NHS: variants seen among roughly 807,000 people sequenced by gnomAD.
NHS encodes actin remodeling regulator NHS.
Under a neutral mutation model 72.5 loss-of-function variants are expected in NHS, and 5 were observed. The observed-to-expected ratio is 0.07, with a 90% CI of 0.04 to 0.14. The LOEUF is 0.14. Among genes scored for constraint, NHS ranks in the 10% least tolerant of loss-of-function variants. NHS has a pLI of 1.00. For missense variants in NHS, 1,072 were observed against 1,355.7 expected (o/e 0.79, Z 3.29); for synonymous variants, 464 against 547.7 (o/e 0.85, Z 2.13).
At chrX:17,490,319 G>C (rs2064985035) in intron 1 of NHS, among the ~76,000 whole-genome samples, 1 of 112,097 alleles carries the variant, frequency 8.9e-6, no homozygotes, top group Non-Finnish European at 1.9e-5. Flanking sequence ...TAAGAAAGGG[G>C]TTCAGTTTCA....
At chrX:17,567,522 TAACA>T (rs753414214) in intron 1 of NHS, among the ~76,000 whole-genome samples, 1 of 111,213 alleles carries the variant, frequency 9.0e-6, no homozygotes, top group Non-Finnish European at 1.9e-5. Context: ...AGGAAAAAAT[TAACA>T]AACAAGCAAA....
intron 1 of NHS, among the ~76,000 whole-genome samples, chrX:17,435,435 C>A (rs1456257649): frequency 1.8e-5 from 2 of 111,743 alleles, no homozygotes; most frequent in Non-Finnish European, 3.8e-5. Flanking sequence ...ACTTCCCAGG[C>A]ACTCTTTCCT....
At chrX:17,440,465 A>C (rs1427136270) in intron 1 of NHS, among the ~76,000 whole-genome samples, 1 of 110,321 alleles carries the variant, frequency 9.1e-6, no homozygotes, top group Non-Finnish European at 1.9e-5. Context: ...GTACCAGTTC[A>C]CAAGTCTGGG....
At chrX:17,516,813 C>A (rs997216324) in intron 1 of NHS, among the ~76,000 whole-genome samples, 1 of 111,641 alleles carries the variant, frequency 9.0e-6, no homozygotes, top group African/African-American at 3.3e-5. Context: ...ACATTTTAAC[C>A]CAGGAATGGG....
intron 1 of NHS, among the ~76,000 whole-genome samples, chrX:17,615,700 T>A (rs2065742036): frequency 9.0e-6 from 1 of 110,503 alleles, no homozygotes; most frequent in Non-Finnish European, 1.9e-5. Flanking sequence ...CTCTCCCTTT[T>A]CCCCCACACC....
chrX:17,698,669 G>GA, intron 3 of NHS, among the ~76,000 whole-genome samples: 1 of 111,568 alleles, frequency 9.0e-6, no homozygotes, highest in East Asian at 2.8e-4. Flanking sequence ...CATGATTATT[G>GA]ATTCAAAAAT....
intron 1 of NHS, among the ~76,000 whole-genome samples, chrX:17,431,277 T>G (rs761769034): frequency 1.4e-4 from 16 of 111,546 alleles, no homozygotes; most frequent in African/African-American, 5.2e-4. Flanking sequence ...GATTTTTTAT[T>G]TTTAACCTCT....
chrX:17,443,398 A>C, intron 1 of NHS, among the ~76,000 whole-genome samples: 1 of 111,737 alleles, frequency 8.9e-6, no homozygotes, highest in Non-Finnish European at 1.9e-5. Flanking sequence ...TGCTTTCCAG[A>C]GCCCTGTCCT....
At chrX:17,578,805 T>C (rs1224442054) in intron 1 of NHS, among the ~76,000 whole-genome samples, 2 of 112,401 alleles carry the variant, frequency 1.8e-5, no homozygotes, top group South Asian at 7.4e-4. Context: ...CAACTGTACC[T>C]GGCATATAGT....
chrX:17,455,665 T>C (rs1428680310), intron 1 of NHS, among the ~76,000 whole-genome samples: 3 of 111,912 alleles, frequency 2.7e-5, no homozygotes, highest in African/African-American at 6.5e-5. Context: ...CACGAGCAAA[T>C]GGATAAAAGA....
At chrX:17,556,311 C>T (rs2065372971) in intron 1 of NHS, among the ~76,000 whole-genome samples, 1 of 112,700 alleles carries the variant, frequency 8.9e-6, no homozygotes, top group African/African-American at 3.2e-5. Flanking sequence ...CTGGCCAAAG[C>T]CAGAAGAAAC....
rs2066518054 is a variant in NHS at position 17,735,464 on chromosome X, T to C, written c.*3000T>C. Reference sequence around the variant, plus strand: ...TCTATGTTGTGTAGGGGAAATTTTTTCATTTTTTAAAAATTCTACTTTGGT... The same window carrying C: ...TCTATGTTGTGTAGGGGAAATTTTTCCATTTTTTAAAAATTCTACTTTGGT... On this transcript the variant is annotated 3_prime_UTR_variant, in exon 9 of 9. Coordinates refer to ENST00000676302, the MANE Select transcript of NHS (RefSeq NM_001291867.2). 1 of 113,121 alleles carries C rather than the reference T, an allele frequency of 8.8e-6. No individual in the cohort carries two copies. 9.3% of individuals were successfully genotyped at this position (113,121 alleles called of 1,213,427 possible). A position where few individuals can be genotyped will look rare whatever the true frequency, so the allele number is the denominator to read the frequency against.
At chrX:17,476,752 T>G (rs2064920727) in intron 1 of NHS, among the ~76,000 whole-genome samples, 1 of 111,955 alleles carries the variant, frequency 8.9e-6, no homozygotes, top group African/African-American at 3.2e-5. Context: ...CAATAATCAT[T>G]GCTTGGAGGC....
At chrX:17,486,322 T>C (rs370272830) in intron 1 of NHS, among the ~76,000 whole-genome samples, 6 of 112,505 alleles carry the variant, frequency 5.3e-5, no homozygotes, top group Admixed American at 2.8e-4. Flanking sequence ...ACAGTAGCTA[T>C]TGGTCACTCA....
intron 1 of NHS, 91 bp downstream of exon 1, chrX:17,376,413 C>A: frequency 1.2e-6 from 1 of 856,404 alleles, no homozygotes; most frequent in Non-Finnish European, 1.7e-6. Flanking sequence ...AGCCCCGCGG[C>A]GCCGCTCCGG....
In NHS at chrX:17,731,982, A is replaced by G. The variant is rs754367608; in HGVS notation, c.4474A>G (p.Thr1492Ala). 1 of 1,209,851 alleles carries G rather than the reference A, an allele frequency of 8.3e-7. No individual in the cohort carries two copies. Among genetic ancestry groups the G allele is most frequent in the Non-Finnish European group, 1.1e-6 (1 of 895,266 alleles). The change falls in exon 9 of 9, where the codon ACA becomes GCA. Residue 1492 changes from threonine to alanine, a missense_variant. Physicochemically the swap from Thr to Ala is moderately conservative, Grantham distance 58. Transcript: ENST00000676302. ...CATCACTTCACCCAGCAGTAATGTG[A>G]CAACCCCCAACAGCCAGAGGTCTCC... Reference protein sequence around the residue: ...SSITSPSSNVTTPNSQRSPGL... With the variant: ...SSITSPSSNVATPNSQRSPGL...
intron 1 of NHS, among the ~76,000 whole-genome samples, chrX:17,401,868 C>T (rs1037138546): frequency 6.3e-5 from 7 of 111,936 alleles, no homozygotes; most frequent in African/African-American, 1.9e-4. Flanking sequence ...GACCCTATTA[C>T]CAAGTGAGGT....
chrX:17,695,942 AGG>A (rs558791023), intron 3 of NHS, among the ~76,000 whole-genome samples: 24 of 93,126 alleles, frequency 2.6e-4, no homozygotes, highest in African/African-American at 5.4e-4. Context: ...AAAAAAAAAA[AGG>A]GGGGGGGTAT....
intron 1 of NHS, among the ~76,000 whole-genome samples, chrX:17,475,381 C>T (rs1032108150): frequency 2.7e-5 from 3 of 112,370 alleles, no homozygotes; most frequent in East Asian, 2.8e-4. Context: ...GAGCAGGCCT[C>T]GGCCTCCAGT....
Sources: allele counts gnomAD v4.1 joint callset (sites outside exome capture counted in the v4.1 genomes callset), GRCh38; gene constraint gnomAD v4.1.1; transcripts MANE v1.5; gene names NCBI Gene and HGNC (gene_info 2026-07-23, HGNC 2026-07-21).